TOR1B: variants seen among roughly 807,000 people sequenced by gnomAD.
TOR1B encodes the protein torsin family 1 member B, also known as torsin-1B.
Under a neutral mutation model 29.2 loss-of-function variants are expected in TOR1B, and 14 were observed. The ratio of observed to expected loss-of-function variants is 0.48; its 90% CI spans 0.32 to 0.75. The LOEUF is 0.75. Among genes scored for constraint, TOR1B ranks in the 30% least tolerant of loss-of-function variants. The pLI, the probability that TOR1B is intolerant of heterozygous loss-of-function variation, is 0.04. For synonymous variants in TOR1B, 166 were observed against 179.8 expected (o/e 0.92, Z 0.62); for missense variants, 400 against 433.9 (o/e 0.92, Z 0.69).
In TOR1B at chr9:129,808,030, C is replaced by T. The variant is rs554213816; in HGVS notation, c.641+667C>T. On this transcript the variant is annotated intron_variant, in intron 3 of 4. Transcript: ENST00000259339. ...CCTGCCTGGGTGACAATCAAGACCC[C>T]GACCCTAAAAATGAAACAGAAATGA... is the stretch of plus-strand genomic sequence containing the variant. 3.2e-4 allele frequency among the ~76,000 whole-genome samples: 48 copies of T among 151,268 alleles called. No individual in the cohort carries two copies. The South Asian group carries it at 0.01, about 32-fold the overall frequency.
chr9:129,809,011 G>A lies in TOR1B; in HGVS notation c.748G>A (p.Gly250Arg), dbSNP rs774583128. ...GGACCTGGAACCTGTACTGTCTGTCGGAGTCTTCAATAATAAACACAGTGA... is the reference window on the plus strand; with the variant it reads ...GGACCTGGAACCTGTACTGTCTGTCAGAGTCTTCAATAATAAACACAGTGA... ...LKDLEPVLSVGVFNNKHSGLW... is the reference protein window; with the variant it reads ...LKDLEPVLSVRVFNNKHSGLW... Residue 250 changes from glycine to arginine, a missense_variant, in exon 4 of 5, where the codon GGA becomes AGA. Coordinates refer to ENST00000259339, the MANE Select transcript of TOR1B (RefSeq NM_014506.3). 76 of 1,612,024 alleles carry A rather than the reference G, an allele frequency of 4.7e-5. No homozygotes were observed. Among genetic ancestry groups the A allele is most frequent in the Non-Finnish European group, 6.0e-5 (71 of 1,179,600 alleles).
At chr9:129,807,643 C>T (rs910581793) in intron 3 of TOR1B, among the ~76,000 whole-genome samples, 6 of 151,804 alleles carry the variant, frequency 4.0e-5, no homozygotes, top group Admixed American at 2.0e-4. Context: ...ACCAGGAGAT[C>T]GAGACCATCC....
chr9:129,807,388 GCA>G lies in TOR1B; in HGVS notation c.641+30_641+31del, dbSNP rs1233180658. On this transcript the variant is annotated intron_variant, in intron 3 of 4. Coordinates refer to ENST00000259339, the MANE Select transcript of TOR1B (RefSeq NM_014506.3). Reference sequence around the variant, plus strand: ...GGTCAGCGGGAGGCGGTTTTTTGGGGCACACAAGCCCTTCATTCTCTCAATGA... The same window carrying G: ...GGTCAGCGGGAGGCGGTTTTTTGGGGCACAAGCCCTTCATTCTCTCAATGA... 8 of 1,611,046 alleles carry G rather than the reference GCA, an allele frequency of 5.0e-6. No homozygotes were observed. The East Asian group carries it at 1.8e-4, about 36-fold the overall frequency.
At position 129,804,070 on chromosome 9, in the gene TOR1B, C is replaced by G. The variant is rs1462364853; in HGVS notation, c.200-3C>G. 1.2e-6 allele frequency: 2 copies of G among 1,613,732 alleles called. No homozygotes were observed. Among genetic ancestry groups the G allele is most frequent in the African/African-American group, 2.7e-5 (2 of 74,876 alleles). On this transcript the variant is annotated splice_region_variant and splice_polypyrimidine_tract_variant and intron_variant, in intron 1 of 4. Coordinates refer to ENST00000259339, the MANE Select transcript of TOR1B (RefSeq NM_014506.3). ...TCTCTTTGTTCTGGGGCTGTTCTTG[C>G]AGCTCTCAAGCTGGATTTGGAGGAG...
At chr9:129,804,836 CAAAAAAAAAAAA>C (rs34803368) in intron 2 of TOR1B, among the ~76,000 whole-genome samples, 1 of 50,378 alleles carries the variant, frequency 2.0e-5, no homozygotes, top group Non-Finnish European at 3.8e-5. Context: ...TACTCGGTCT[CAAAAAAAAAAAA>C]AAAAAAAAGG....
chr9:129,806,922 G>T (rs1323725626), intron 2 of TOR1B, among the ~76,000 whole-genome samples: 1 of 152,168 alleles, frequency 6.6e-6, no homozygotes, highest in Non-Finnish European at 1.5e-5. Context: ...CACGGATCTT[G>T]TACCTCTTAT....
chr9:129,803,516 C>A, intron 1 of TOR1B, 105 bp downstream of exon 1: 8 of 1,102,132 alleles, frequency 7.3e-6, no homozygotes, highest in Non-Finnish European at 9.1e-6. Flanking sequence ...GGGCCCGTGG[C>A]ATCTAGACGG....
At position 129,808,902 on chromosome 9, in the gene TOR1B, C is replaced by A. The variant is rs756458453; in HGVS notation, c.642-3C>A. 2.5e-6 allele frequency: 4 copies of A among 1,612,476 alleles called. No homozygotes were observed. Among genetic ancestry groups the A allele is most frequent in the Middle Eastern group, 1.7e-4 (1 of 6,058 alleles). On this transcript the variant is annotated splice_region_variant and splice_polypyrimidine_tract_variant and intron_variant, in intron 3 of 4. Coordinates refer to ENST00000259339, the MANE Select transcript of TOR1B (RefSeq NM_014506.3). Reference sequence around the variant, plus strand: ...TTAATCTTTATTTCTCTGGCAAACTCAGCAATGCAGGCGGGGACCTTATAA... The same window carrying A: ...TTAATCTTTATTTCTCTGGCAAACTAAGCAATGCAGGCGGGGACCTTATAA...
chr9:129,809,226 C>A, intron 4 of TOR1B, 116 bp from the exon 5 acceptor site: 5 of 1,550,938 alleles, frequency 3.2e-6, no homozygotes, highest in Non-Finnish European at 4.4e-6. Flanking sequence ...GCTTGTTGCA[C>A]ACTGACAAGA....
chr9:129,804,454 ACT>A (rs1225779959), intron 2 of TOR1B, 116 bp downstream of exon 2: 6 of 1,375,332 alleles, frequency 4.4e-6, no homozygotes, highest in Non-Finnish European at 6.0e-6. Context: ...CCCCGGCTCC[ACT>A]GAGTTAAGGC....
At position 129,810,525 on chromosome 9, in the gene TOR1B, A is replaced by G. The variant is rs1244728126; in HGVS notation, c.*942A>G. 11 of 842,424 alleles carry G rather than the reference A, an allele frequency of 1.3e-5. No homozygotes were observed. The highest frequency in any genetic ancestry group is 1.7e-5 in the Non-Finnish European group (11 of 653,540). The allele number at this position is 842,424 out of a possible 1,614,324, so 52.2% of individuals were successfully genotyped here. On this transcript the variant is annotated 3_prime_UTR_variant, in exon 5 of 5. Coordinates refer to ENST00000259339, the MANE Select transcript of TOR1B (RefSeq NM_014506.3). ...ATATCTCAGCTTGGATCTCTGCTAG[A>G]GTCCCCCCAACCATATATCATAGAG...
At chr9:129,807,142 A>G (rs1446895984) in intron 2 of TOR1B, 46 bp from the exon 3 acceptor site, 4 of 1,597,776 alleles carry the variant, frequency 2.5e-6, no homozygotes, top group South Asian at 2.2e-5. Context: ...CTCTTGGTGC[A>G]CCCTTTGAGC....
chr9:129,806,609 G>A (rs954122507), intron 2 of TOR1B, among the ~76,000 whole-genome samples: 5 of 152,120 alleles, frequency 3.3e-5, no homozygotes, highest in Admixed American at 1.3e-4. Flanking sequence ...TTGCCGGGTG[G>A]CTCATTCCTG....
In TOR1B at chr9:129,804,358, T is replaced by C; in HGVS notation, c.465+20T>C. Reference sequence around the variant, plus strand: ...TACCAGGCAAGAGAACCCGCTATTATCTCGTCTGCAGGCCAGTCGGACTGG... The same window carrying C: ...TACCAGGCAAGAGAACCCGCTATTACCTCGTCTGCAGGCCAGTCGGACTGG... On this transcript the variant is annotated intron_variant, in intron 2 of 4. Transcript: ENST00000259339. The C allele has an allele frequency of 6.2e-7, 1 of 1,605,700 alleles. No individual in the cohort carries two copies. The highest frequency in any genetic ancestry group is 2.2e-5 in the East Asian group (1 of 44,652).
rs866679392 is a variant in TOR1B, at chr9:129,810,309, G to C, written c.*726G>C. Reference sequence around the variant, plus strand: ...CTGACCGGAGGATGTGGCCGTGCCCGCCGAGCACTCTTGATCTGAGCTGAC... The same window carrying C: ...CTGACCGGAGGATGTGGCCGTGCCCCCCGAGCACTCTTGATCTGAGCTGAC... On this transcript the variant is annotated 3_prime_UTR_variant, in exon 5 of 5. Coordinates refer to ENST00000259339, the MANE Select transcript of TOR1B (RefSeq NM_014506.3). The C allele has an allele frequency of 3.1e-6, 4 of 1,300,392 alleles. No individual in the cohort carries two copies. The highest frequency in any genetic ancestry group is 4.0e-6 in the Non-Finnish European group (4 of 988,044). The allele number at this position is 1,300,392 out of a possible 1,614,324, so 80.6% of individuals were successfully genotyped here.
intron 3 of TOR1B, among the ~76,000 whole-genome samples, chr9:129,807,644 G>A (rs994223432): frequency 2.6e-5 from 4 of 151,948 alleles, no homozygotes; most frequent in African/African-American, 7.3e-5. Flanking sequence ...CCAGGAGATC[G>A]AGACCATCCT....
In TOR1B at chr9:129,804,187, T is replaced by A. The variant is rs1382716526; in HGVS notation, c.314T>A (p.Leu105His). The A allele has an allele frequency of 6.2e-7, 1 of 1,614,224 alleles. No individual in the cohort carries two copies. The highest frequency in any genetic ancestry group is 2.2e-5 in the East Asian group (1 of 44,888). The change falls in exon 2 of 5, where the codon CTT (leucine) becomes CAT (histidine). Residue 105 changes from leucine (L) to histidine (H), a missense_variant. Coordinates refer to ENST00000259339, the MANE Select transcript of TOR1B (RefSeq NM_014506.3). ...NNKNPKKPLT[L>H]SLHGWAGTGK... Reference sequence around the variant, plus strand: ...AAAAATCCCAAGAAACCACTGACCCTTTCCTTACACGGCTGGGCTGGCACA... The same window carrying A: ...AAAAATCCCAAGAAACCACTGACCCATTCCTTACACGGCTGGGCTGGCACA...
At position 129,809,789 on chromosome 9, in the gene TOR1B, C is replaced by T. The variant is rs773503520; in HGVS notation, c.*206C>T. 1.0e-4 allele frequency: 142 copies of T among 1,400,950 alleles called. 1 individual carries two copies. The highest frequency in any genetic ancestry group is 4.4e-5 in the Non-Finnish European group (47 of 1,078,814). 86.8% of individuals were successfully genotyped at this position (1,400,950 alleles called of 1,614,324 possible). On this transcript the variant is annotated 3_prime_UTR_variant, in exon 5 of 5. Coordinates refer to ENST00000259339, the MANE Select transcript of TOR1B (RefSeq NM_014506.3). ...GCAATCCTCAACTCACTGCAACCTC[C>T]GCTCCCGGTTTGAGTGATTCTCATG...
rs765610206 is a variant in TOR1B at position 129,803,366 on chromosome 9, C to T, written c.154C>T (p.Arg52Cys). Residue 52 changes from arginine (R) to cysteine (C), a missense_variant, in exon 1 of 5, where the codon CGC becomes TGC. Physicochemically the swap from Arg to Cys is radical, Grantham distance 180. Coordinates refer to ENST00000259339, the MANE Select transcript of TOR1B (RefSeq NM_014506.3). ...CCTGTCCTACAATGACATCTACTGCCGCTTCGCCGAGTGCTGCCGCGAGGA... is the reference window on the plus strand; with the variant it reads ...CCTGTCCTACAATGACATCTACTGCTGCTTCGCCGAGTGCTGCCGCGAGGA... ...GYLSYNDIYCRFAECCREERP... is the reference protein window; with the variant it reads ...GYLSYNDIYCCFAECCREERP... 4.4e-6 allele frequency: 7 copies of T among 1,574,336 alleles called. No individual in the cohort carries two copies. In the Admixed American group the frequency reaches 5.3e-5, roughly 12 times the overall value.
Sources: allele counts gnomAD v4.1 joint callset (sites outside exome capture counted in the v4.1 genomes callset), GRCh38; gene constraint gnomAD v4.1.1; transcripts MANE v1.5; gene names NCBI Gene and HGNC (gene_info 2026-07-23, HGNC 2026-07-21).